FYN: variants seen among roughly 807,000 people sequenced by gnomAD.
FYN encodes tyrosine-protein kinase Fyn.
FYN carries 10 observed loss-of-function variants against 70.2 expected under a neutral mutation model. The ratio of observed to expected loss-of-function variants is 0.14; its 90% CI spans 0.09 to 0.24. The LOEUF (loss-of-function observed/expected upper bound fraction) is 0.24, where lower values mean the gene tolerates loss of function less well. FYN is among the 10% of genes least tolerant of loss of function. The probability of loss-of-function intolerance (pLI) is 1.00; values close to 1 mark genes in which losing one functional copy is unlikely to be tolerated. For synonymous variants in FYN, 236 were observed against 248.6 expected, an observed-to-expected ratio of 0.95 and a Z score of 0.48; for missense variants, 319 against 673.1, an observed-to-expected ratio of 0.47 and a Z score of 5.82.
intron 3 of FYN, among the ~76,000 whole-genome samples, chr6:111,739,143 T>G (rs558855739): frequency 6.6e-6 from 1 of 152,292 alleles, no homozygotes; most frequent in South Asian, 2.1e-4. Flanking sequence ...TCTTTTAGGT[T>G]TAAAGATACC....
intron 2 of FYN, among the ~76,000 whole-genome samples, chr6:111,842,435 A>T (rs7747573): frequency 6.6e-6 from 1 of 151,876 alleles, no homozygotes; most frequent in Non-Finnish European, 1.5e-5. Context: ...TGCTTATGCT[A>T]TTCTTCCCTT....
At chr6:111,856,455 C>T (rs990785023) in intron 1 of FYN, among the ~76,000 whole-genome samples, 17 of 151,928 alleles carry the variant, frequency 1.1e-4, no homozygotes, top group Non-Finnish European at 2.9e-5. Flanking sequence ...AGAGACATTG[C>T]TAAAAAGTTG....
intron 9 of FYN, among the ~76,000 whole-genome samples, chr6:111,698,284 C>T (rs111388673): frequency 1.4e-4 from 21 of 152,280 alleles, no homozygotes; most frequent in African/African-American, 5.1e-4. Flanking sequence ...CAGGCATGCA[C>T]CACCATGCCC....
intron 1 of FYN, among the ~76,000 whole-genome samples, chr6:111,870,978 G>A (rs115635423): frequency 0.013 from 2,040 of 152,134 alleles, 52 homozygotes; most frequent in South Asian, 0.089. Flanking sequence ...AAAGTTCCAC[G>A]ATGAATGTTC....
intron 3 of FYN, among the ~76,000 whole-genome samples, chr6:111,745,786 C>G (rs1802181699): frequency 6.6e-6 from 1 of 152,236 alleles, no homozygotes; most frequent in Non-Finnish European, 1.5e-5. Context: ...TACAAAACAT[C>G]CTGGCTTAAG....
At chr6:111,673,619 A>ACTGTTTTTTTTTTTTTTTTTTTTT (rs1301768351) in intron 13 of FYN, among the ~76,000 whole-genome samples, 2 of 65,010 alleles carry the variant, frequency 3.1e-5, no homozygotes, top group African/African-American at 5.2e-5. Flanking sequence ...CGTTTCTATC[A>ACTGTTTTTTTTTTTTTTTTTTTTT]TTGTTTTTTT....
In FYN at chr6:111,773,949, T is replaced by A. The variant is rs545278309; in HGVS notation, c.-12+6617A>T. ...CCTGTAAGGGTTCACCAGATAGGTA[T>A]GACGTTTAAGATAACAAATCAAAAA... On this transcript the variant is annotated intron_variant, in intron 3 of 13. Coordinates refer to ENST00000354650, the MANE Select transcript of FYN (RefSeq NM_002037.5). 2.6e-5 allele frequency among the ~76,000 whole-genome samples: 4 copies of A among 152,344 alleles called. No individual in the cohort carries two copies. The South Asian group carries it at 8.3e-4, about 32-fold the overall frequency.
intron 2 of FYN, among the ~76,000 whole-genome samples, chr6:111,824,473 G>C (rs1319176964): frequency 6.6e-6 from 1 of 150,442 alleles, no homozygotes; most frequent in Admixed American, 6.6e-5. Context: ...TCATGGATGA[G>C]AGAAATCTAC....
At chr6:111,662,946 G>A (rs1374469842) in intron 13 of FYN, among the ~76,000 whole-genome samples, 1 of 152,198 alleles carries the variant, frequency 6.6e-6, no homozygotes, top group Non-Finnish European at 1.5e-5. Context: ...GGGCTGCATA[G>A]CACTAACAGA....
At chr6:111,844,107 C>A (rs1773448094) in intron 2 of FYN, among the ~76,000 whole-genome samples, 5 of 152,150 alleles carry the variant, frequency 3.3e-5, no homozygotes, top group Admixed American at 3.3e-4. Context: ...CTCATAGCTC[C>A]CTCACAGGAC....
intron 3 of FYN, among the ~76,000 whole-genome samples, chr6:111,722,470 G>A (rs1008083959): frequency 1.3e-5 from 2 of 152,048 alleles, no homozygotes; most frequent in South Asian, 4.1e-4. Context: ...TAACTCTTTC[G>A]TGGTGGAAAG....
chr6:111,802,089 T>G (rs1161261556), intron 2 of FYN, among the ~76,000 whole-genome samples: 1 of 152,220 alleles, frequency 6.6e-6, no homozygotes, highest in Non-Finnish European at 1.5e-5. Context: ...AAATCTCATG[T>G]TGAATTATAA....
intron 4 of FYN, among the ~76,000 whole-genome samples, chr6:111,715,400 A>G (rs987246002): frequency 6.6e-5 from 10 of 152,078 alleles, no homozygotes; most frequent in African/African-American, 2.2e-4. Context: ...TAATTCTAGC[A>G]TAGTCCCCAG....
At chr6:111,687,722 C>T (rs1407054710) in intron 12 of FYN, among the ~76,000 whole-genome samples, 1 of 152,052 alleles carries the variant, frequency 6.6e-6, no homozygotes, top group Non-Finnish European at 1.5e-5. Flanking sequence ...ACTACTACTG[C>T]CAACTACCAC....
intron 1 of FYN, among the ~76,000 whole-genome samples, chr6:111,863,466 T>C (rs1437024063): frequency 6.6e-6 from 1 of 152,212 alleles, no homozygotes; most frequent in Admixed American, 6.5e-5. Flanking sequence ...GCCTTTTCAG[T>C]AGAATTTAAA....
chr6:111,680,558 C>T (rs1247014397), intron 12 of FYN, among the ~76,000 whole-genome samples: 1 of 152,192 alleles, frequency 6.6e-6, no homozygotes, highest in African/African-American at 2.4e-5. Context: ...ACATCATTAC[C>T]TTGAGAATGA....
At chr6:111,721,237 C>A (rs779214022) in intron 3 of FYN, among the ~76,000 whole-genome samples, 1 of 152,124 alleles carries the variant, frequency 6.6e-6, no homozygotes, top group Non-Finnish European at 1.5e-5. Flanking sequence ...CTTCTGGCAC[C>A]CTTGGCGCCA....
chr6:111,778,218 G>A (rs1289097712), intron 3 of FYN, among the ~76,000 whole-genome samples: 2 of 152,176 alleles, frequency 1.3e-5, no homozygotes, highest in African/African-American at 4.8e-5. Context: ...AGGACAAAGA[G>A]GCCAGGCCCG....
intron 3 of FYN, among the ~76,000 whole-genome samples, chr6:111,770,121 A>G (rs1212282294): frequency 1.3e-5 from 2 of 152,240 alleles, no homozygotes; most frequent in Non-Finnish European, 2.9e-5. Context: ...GCCAGTAGCC[A>G]CACTGGGCAC....
Sources: allele counts gnomAD v4.1 joint callset (sites outside exome capture counted in the v4.1 genomes callset), GRCh38; gene constraint gnomAD v4.1.1; transcripts MANE v1.5; gene names NCBI Gene and HGNC (gene_info 2026-07-23, HGNC 2026-07-21).